MAGI1: variants seen among roughly 807,000 people sequenced by gnomAD.
MAGI1 encodes membrane-associated guanylate kinase, WW and PDZ domain-containing protein 1.
In MAGI1, 58 loss-of-function variants were observed where a neutral mutation model predicts 139.9. That is an observed-to-expected ratio of 0.41 (90% CI 0.34 to 0.52). MAGI1 has a LOEUF of 0.52. MAGI1 is among the 20% of genes least tolerant of loss of function. The pLI, the probability that MAGI1 is intolerant of heterozygous loss-of-function variation, is 0.12. For synonymous variants in MAGI1, 812 were observed against 737.9 expected, an observed-to-expected ratio of 1.10 and a Z score of -1.63; for missense variants, 1,874 against 1,901.6, an observed-to-expected ratio of 0.99 and a Z score of 0.27.
chr3:65,828,956 G>A (rs180813072), intron 1 of MAGI1, among the ~76,000 whole-genome samples: 14 of 152,246 alleles, frequency 9.2e-5, no homozygotes, highest in Admixed American at 2.6e-4. Context: ...ATGGCCCTCC[G>A]CTGACAGCCA....
At chr3:65,512,872 A>G (rs1310236708) in intron 2 of MAGI1, among the ~76,000 whole-genome samples, 2 of 151,762 alleles carry the variant, frequency 1.3e-5, no homozygotes, top group Non-Finnish European at 2.9e-5. Context: ...ATTTTAGACC[A>G]ATATCCTTGA....
intron 1 of MAGI1, among the ~76,000 whole-genome samples, chr3:65,923,671 T>G (rs1219268609): frequency 1.3e-5 from 2 of 152,112 alleles, no homozygotes; most frequent in African/African-American, 4.8e-5. Context: ...ACAAGTAACT[T>G]TAAGTGAGAT....
intron 1 of MAGI1, among the ~76,000 whole-genome samples, chr3:65,636,785 A>G (rs538992837): frequency 6.6e-6 from 1 of 152,282 alleles, no homozygotes; most frequent in South Asian, 2.1e-4. Flanking sequence ...TATCCAGAGA[A>G]AGGAGAGAAG....
intron 2 of MAGI1, among the ~76,000 whole-genome samples, chr3:65,607,143 T>C (rs2082784250): frequency 1.3e-5 from 2 of 151,606 alleles, no homozygotes; most frequent in African/African-American, 4.9e-5. Flanking sequence ...TTCACTGTAA[T>C]ATGGTTTGGG....
At chr3:65,361,501 CAATT>C (rs1232948598) in intron 21 of MAGI1, among the ~76,000 whole-genome samples, 164 bp from the exon 22 acceptor site, 1 of 151,900 alleles carries the variant, frequency 6.6e-6, no homozygotes, top group Non-Finnish European at 1.5e-5. Flanking sequence ...GAGGGAAAGA[CAATT>C]AAGAAAATTA....
rs1559903542 is a variant in MAGI1 at position 65,369,488 on chromosome 3, A to T, written c.3197-4542T>A. On this transcript the variant is annotated intron_variant, in intron 18 of 22. Transcript: ENST00000402939. ...CAAAGGGCCTGCTGGGGTTTCGAGA[A>T]CAGTGTCCCAGACGTGATGGATTCT... 3.9e-5 allele frequency among the ~76,000 whole-genome samples: 6 copies of T among 152,156 alleles called. No individual in the cohort carries two copies. In the South Asian group the frequency reaches 1.2e-3, roughly 32 times the overall value.
chr3:65,703,571 C>G (rs2089764622), intron 1 of MAGI1, among the ~76,000 whole-genome samples: 1 of 152,218 alleles, frequency 6.6e-6, no homozygotes, highest in African/African-American at 2.4e-5. Flanking sequence ...ATCCAGCTGC[C>G]TCTTGGACAC....
chr3:65,884,055 A>T (rs76338167), intron 1 of MAGI1, among the ~76,000 whole-genome samples: 12,392 of 152,338 alleles, frequency 0.081, 729 homozygotes, highest in Middle Eastern at 0.14. Flanking sequence ...GAATACACTT[A>T]TCTTAAAGGG....
At chr3:65,384,273 C>T (rs1943272700) in intron 14 of MAGI1, among the ~76,000 whole-genome samples, 1 of 152,192 alleles carries the variant, frequency 6.6e-6, no homozygotes, top group South Asian at 2.1e-4. Context: ...GTTCTGCATC[C>T]TTAGATTCAA....
chr3:65,522,495 A>G (rs2078208299), intron 2 of MAGI1, among the ~76,000 whole-genome samples: 1 of 152,194 alleles, frequency 6.6e-6, no homozygotes, highest in African/African-American at 2.4e-5. Context: ...ACAATGATGT[A>G]TGAGAAAGGG....
chr3:65,614,557 GT>G (rs1553680828), intron 2 of MAGI1, among the ~76,000 whole-genome samples: 1 of 151,976 alleles, frequency 6.6e-6, no homozygotes, highest in Admixed American at 6.6e-5. Context: ...ACACAACTTG[GT>G]TTTTTTAAAA....
At chr3:65,875,603 C>T (rs902880758) in intron 1 of MAGI1, among the ~76,000 whole-genome samples, 8 of 152,140 alleles carry the variant, frequency 5.3e-5, no homozygotes, top group African/African-American at 1.9e-4. Flanking sequence ...AGCCCCATGA[C>T]CTTGGTAAAG....
At chr3:65,807,614 C>A (rs935887517) in intron 1 of MAGI1, among the ~76,000 whole-genome samples, 1 of 152,146 alleles carries the variant, frequency 6.6e-6, no homozygotes, top group African/African-American at 2.4e-5. Flanking sequence ...CTCCACCACA[C>A]AGAGAATTAT....
At chr3:66,022,019 C>T (rs903338053) in intron 1 of MAGI1, among the ~76,000 whole-genome samples, 2 of 152,146 alleles carry the variant, frequency 1.3e-5, no homozygotes, top group African/African-American at 4.8e-5. Flanking sequence ...ATTTCCCCCG[C>T]AGCCTTTTCC....
At chr3:65,519,070 G>A (rs1410895803) in intron 2 of MAGI1, among the ~76,000 whole-genome samples, 6 of 152,114 alleles carry the variant, frequency 3.9e-5, no homozygotes, top group Non-Finnish European at 7.3e-5. Flanking sequence ...AACACCAAAC[G>A]CAAATGTCCT....
intron 2 of MAGI1, among the ~76,000 whole-genome samples, chr3:65,620,607 C>G (rs1424804619): frequency 6.6e-6 from 1 of 152,118 alleles, no homozygotes; most frequent in Non-Finnish European, 1.5e-5. Context: ...ATTATTAAGC[C>G]AAAATATAAG....
chr3:65,391,220 G>A lies in MAGI1; in HGVS notation c.2338C>T (p.Gln780Ter). ...TTTTTCTGGCCAGAGCTGTCAGTTT[G>A]ATCTGGAGCTTGGGCCTCTGCAGGT... ...FPPAEAQAPD[Q>*]TDSSGQKKPD... Residue 780 changes from glutamine (Q) to a stop codon, truncating the protein, a stop_gained, in exon 14 of 23, where the codon CAA becomes TAA. Coordinates refer to ENST00000402939, the MANE Select transcript of MAGI1 (RefSeq NM_001033057.2). LOFTEE classifies it high-confidence loss of function. 1 of 1,614,164 alleles carries A rather than the reference G, an allele frequency of 6.2e-7. No individual in the cohort carries two copies. The highest frequency in any genetic ancestry group is 8.5e-7 in the Non-Finnish European group (1 of 1,180,028).
intron 5 of MAGI1, among the ~76,000 whole-genome samples, chr3:65,465,134 T>C (rs1033312814): frequency 6.6e-5 from 10 of 151,176 alleles, no homozygotes; most frequent in Non-Finnish European, 7.4e-5. Context: ...TTACCTTAAA[T>C]ATTCTCTCTA....
chr3:65,504,293 A>C (rs2077193578), intron 2 of MAGI1, among the ~76,000 whole-genome samples: 1 of 152,226 alleles, frequency 6.6e-6, no homozygotes, highest in Non-Finnish European at 1.5e-5. Flanking sequence ...CCCCTCAGCA[A>C]ATTAAAGGCA....
Sources: allele counts gnomAD v4.1 joint callset (sites outside exome capture counted in the v4.1 genomes callset), GRCh38; gene constraint gnomAD v4.1.1; transcripts MANE v1.5; gene names NCBI Gene and HGNC (gene_info 2026-07-23, HGNC 2026-07-21).